ENPEP: variants seen among roughly 807,000 people sequenced by gnomAD.
ENPEP encodes the protein AP-A.
Under a neutral mutation model 114.5 loss-of-function variants are expected in ENPEP, and 103 were observed. The ratio of observed to expected loss-of-function variants is 0.90; its 90% confidence interval spans 0.77 to 1.06. The LOEUF (loss-of-function observed/expected upper bound fraction) is 1.06. Ranked by LOEUF, ENPEP falls within the 50% of genes least tolerant of loss-of-function variation. The probability of loss-of-function intolerance (pLI) is 0.00; values close to 1 mark genes in which losing one functional copy is unlikely to be tolerated. For missense variants in ENPEP, 1,196 were observed against 1,161.3 expected (o/e 1.03, Z -0.43); for synonymous variants, 420 against 422.0 (o/e 1.00, Z 0.06).
In ENPEP at chr4:110,531,862, G is replaced by T. The variant is rs115299368; in HGVS notation, c.1807+585G>T. ...TCCTTCTTTTTATATTTTTTCCATT[G>T]TATTTGTTTTGGTGTTTCAAAACTA... On this transcript the variant is annotated intron_variant, in intron 11 of 19. Transcript: ENST00000265162. 3.2e-3 allele frequency among the ~76,000 whole-genome samples: 492 copies of T among 152,072 alleles called. 8 individuals carry two copies. Among genetic ancestry groups the T allele is most frequent in the African/African-American group, 0.011 (469 of 41,516 alleles).
rs201974804 is a variant in ENPEP at position 110,565,222 on chromosome 4, T to A, written c.*3664T>A. ...TCAAAAGGAGAATAATAGTTCATGA[T>A]GTAAAAATTATATAAAATTTAAATA... On this transcript the variant is annotated 3_prime_UTR_variant, in exon 20 of 20. Transcript: ENST00000265162. 6.6e-6 allele frequency: 1 copy of A among 152,226 alleles called. No individual in the cohort carries two copies. The highest frequency in any genetic ancestry group is 1.9e-4 in the East Asian group (1 of 5,202). 9.4% of individuals were successfully genotyped at this position (152,226 alleles called of 1,614,324 possible). A position where few individuals can be genotyped will look rare whatever the true frequency, so the allele number is the denominator to read the frequency against.
chr4:110,488,397 G>A, intron 1 of ENPEP, 144 bp from the exon 2 acceptor site: 1 of 1,091,252 alleles, frequency 9.2e-7, no homozygotes, highest in Non-Finnish European at 1.2e-6. Context: ...ACAAATATTT[G>A]ATAGTCTTCT....
At chr4:110,512,332 G>A (rs1235214389) in intron 6 of ENPEP, among the ~76,000 whole-genome samples, 1 of 151,998 alleles carries the variant, frequency 6.6e-6, no homozygotes, top group Non-Finnish European at 1.5e-5. Context: ...ACACACAGCT[G>A]GTAGCAAAAT....
rs754159304 is a variant in ENPEP at position 110,488,567 on chromosome 4, C to T, written c.671C>T (p.Pro224Leu). ...AGCATAGTGGCCACCGATCATGAACCAACAGATGCCAGGAAATCTTTTCCT... is the reference window on the plus strand; with the variant it reads ...AGCATAGTGGCCACCGATCATGAACTAACAGATGCCAGGAAATCTTTTCCT... ...VKSIVATDHE[P>L]TDARKSFPCF... is the part of the protein sequence containing the mutation. The change falls in exon 2 of 20, where the codon CCA (proline) becomes CTA (leucine). Residue 224 changes from proline to leucine, a missense_variant. Physicochemically the swap from Pro to Leu is moderately conservative, Grantham distance 98. Transcript: ENST00000265162. 2 of 1,613,322 alleles carry T rather than the reference C, an allele frequency of 1.2e-6. No individual in the cohort carries two copies. Among genetic ancestry groups the T allele is most frequent in the South Asian group, 1.1e-5 (1 of 90,992 alleles).
At chr4:110,503,619 G>A (rs1479426029) in intron 3 of ENPEP, among the ~76,000 whole-genome samples, 3 of 152,172 alleles carry the variant, frequency 2.0e-5, no homozygotes, top group African/African-American at 7.2e-5. Context: ...AACCAAGGCA[G>A]TCTGGCTTTT....
chr4:110,499,233 A>C (rs1012506459), intron 3 of ENPEP, among the ~76,000 whole-genome samples: 1 of 152,190 alleles, frequency 6.6e-6, no homozygotes, highest in African/African-American at 2.4e-5. Flanking sequence ...AACACTTTTG[A>C]TGGGACACAT....
intron 4 of ENPEP, among the ~76,000 whole-genome samples, chr4:110,508,054 A>G (rs1725434125): frequency 6.6e-6 from 1 of 152,188 alleles, no homozygotes; most frequent in African/African-American, 2.4e-5. Context: ...TGTAGCACCC[A>G]GGATAACCTG....
chr4:110,520,397 C>G, intron 10 of ENPEP, 31 bp downstream of exon 10: 1 of 1,608,234 alleles, frequency 6.2e-7, no homozygotes, highest in Non-Finnish European at 8.5e-7. Flanking sequence ...GAAAAAAACA[C>G]AGAAATTTGG....
intron 8 of ENPEP, 27 bp downstream of exon 8, chr4:110,515,469 C>A (rs1248110271): frequency 1.3e-6 from 2 of 1,503,436 alleles, no homozygotes; most frequent in East Asian, 2.3e-5. Flanking sequence ...TTAGTGATAT[C>A]AAAATTAAAC....
At chr4:110,532,961 G>A in intron 11 of ENPEP, 1 of 251,412 alleles carries the variant, frequency 4.0e-6, no homozygotes, top group Non-Finnish European at 8.4e-6. Flanking sequence ...AAAAAAAAAA[G>A]ACATTTTCAA....
At chr4:110,534,631 C>T (rs1242663464) in intron 11 of ENPEP, among the ~76,000 whole-genome samples, 1 of 151,198 alleles carries the variant, frequency 6.6e-6, no homozygotes, top group South Asian at 2.1e-4. Context: ...CCTCAGCCTC[C>T]CATGTAGCTG....
In ENPEP at chr4:110,505,122, G is replaced by C. The variant is rs180899127; in HGVS notation, c.919-1515G>C. On this transcript the variant is annotated intron_variant, in intron 3 of 19. Transcript: ENST00000265162. Reference sequence around the variant, plus strand: ...TGACATGGCAATCCTGTACGAACGTGATGACTTTTATTTTAGACGGTTAAT... The same window carrying C: ...TGACATGGCAATCCTGTACGAACGTCATGACTTTTATTTTAGACGGTTAAT... Among the ~76,000 whole-genome samples the C allele has an allele frequency of 1.1e-4, 17 of 152,302 alleles. No individual in the cohort carries two copies. The East Asian group carries it at 3.1e-3, about 28-fold the overall frequency.
chr4:110,516,224 C>A (rs1205847922), intron 8 of ENPEP, among the ~76,000 whole-genome samples: 1 of 152,164 alleles, frequency 6.6e-6, no homozygotes, highest in Non-Finnish European at 1.5e-5. Flanking sequence ...CTTTTGGTAA[C>A]AGAAATGACA....
rs34624302 is a variant in ENPEP, at chr4:110,484,770, T to TTATA, written c.645-3759_645-3756dup. Among the ~76,000 whole-genome samples, 914 of 142,630 alleles carry TTATA rather than the reference T, an allele frequency of 6.4e-3. 11 individuals are homozygous for TTATA. Among genetic ancestry groups the TTATA allele is most frequent in the African/African-American group, 0.012 (465 of 37,562 alleles). The allele number at this position is 142,630 out of a possible 152,430, so 93.6% of individuals were successfully genotyped here. On this transcript the variant is annotated intron_variant, in intron 1 of 19. Coordinates refer to ENST00000265162, the MANE Select transcript of ENPEP (RefSeq NM_001977.4). ...TATTATATTTTATATATATATTATA[T>TTATA]TATATATATATATATTCATATTCTG...
At chr4:110,489,935 G>A (rs1372796488) in intron 2 of ENPEP, among the ~76,000 whole-genome samples, 1 of 152,112 alleles carries the variant, frequency 6.6e-6, no homozygotes, top group African/African-American at 2.4e-5. Flanking sequence ...ACACTTAAGA[G>A]GATTAAAATA....
At chr4:110,553,222 T>C in intron 17 of ENPEP, 93 bp from the exon 18 acceptor site, 3 of 1,165,732 alleles carry the variant, frequency 2.6e-6, no homozygotes, top group Admixed American at 2.4e-5. Context: ...AAGAATTGAA[T>C]TGCTGGCATG....
chr4:110,491,235 G>GTT (rs34911204), intron 3 of ENPEP, 71 bp downstream of exon 3: 7,201 of 1,034,320 alleles, frequency 7.0e-3, no homozygotes, highest in South Asian at 0.01. Context: ...TTTTTGGGTA[G>GTT]TTTTTTTTTT....
intron 3 of ENPEP, among the ~76,000 whole-genome samples, chr4:110,492,127 A>C (rs1289071646): frequency 6.6e-6 from 1 of 152,140 alleles, no homozygotes; most frequent in Non-Finnish European, 1.5e-5. Context: ...TTGTCTAGTA[A>C]GCCAGTTAAT....
At chr4:110,499,884 A>G (rs1725087470) in intron 3 of ENPEP, 1 of 152,164 alleles carries the variant, frequency 6.6e-6, no homozygotes, top group Non-Finnish European at 1.5e-5. Context: ...ATAATTCTGG[A>G]TTCATAGAAT....
Sources: gnomAD v4.1 joint callset for allele counts (sites outside exome capture counted in the v4.1 genomes callset) on GRCh38, gnomAD v4.1.1 for gene constraint, MANE v1.5 for transcripts, NCBI Gene and HGNC (gene_info 2026-07-23, HGNC 2026-07-21) for gene names.